Variants in AKNAD1 observed in about 807,000 individuals in gnomAD.
AKNAD1 encodes AKNA domain containing 1.
In AKNAD1, 67 loss-of-function variants were observed where a neutral mutation model predicts 90.8. That is an observed-to-expected ratio of 0.74 (90% confidence interval 0.61 to 0.90). AKNAD1 has a LOEUF of 0.90. AKNAD1 is among the 40% of genes least tolerant of loss of function. The probability of loss-of-function intolerance (pLI) is 0.00; values close to 1 mark genes in which losing one functional copy is unlikely to be tolerated. For synonymous variants in AKNAD1, 327 were observed against 341.4 expected (o/e 0.96, Z 0.46); for missense variants, 957 against 975.4 (o/e 0.98, Z 0.25).
At chr1:108,835,965 T>A (rs1424828206) in intron 7 of AKNAD1, among the ~76,000 whole-genome samples, 1 of 152,192 alleles carries the variant, frequency 6.6e-6, no homozygotes. Flanking sequence ...AATGTAAGCA[T>A]CTTGAGGGCA....
At chr1:108,817,404 C>T (rs1216697727) in intron 14 of AKNAD1, 4 of 386,282 alleles carry the variant, frequency 1.0e-5, no homozygotes, top group Non-Finnish European at 1.8e-5. Flanking sequence ...GAATTGATCT[C>T]CTTTTCCTCT....
chr1:108,826,586 G>A (rs1330139567), intron 11 of AKNAD1, among the ~76,000 whole-genome samples: 1 of 151,492 alleles, frequency 6.6e-6, no homozygotes, highest in Admixed American at 6.6e-5. Flanking sequence ...TACAGTTATG[G>A]GTCATGTGGG....
intron 14 of AKNAD1, among the ~76,000 whole-genome samples, chr1:108,820,035 T>C (rs1346627246): frequency 6.6e-6 from 1 of 152,008 alleles, no homozygotes; most frequent in Non-Finnish European, 1.5e-5. Context: ...TCCACCAACC[T>C]TTCCTCATCA....
At chr1:108,817,434 C>T (rs1045005633) in intron 14 of AKNAD1, 24 of 254,064 alleles carry the variant, frequency 9.4e-5, no homozygotes, top group Non-Finnish European at 1.6e-4. Context: ...AGAGGCAAGA[C>T]TCTAAACACA....
At chr1:108,850,916 A>AG (rs937635303) in intron 2 of AKNAD1, among the ~76,000 whole-genome samples, 42 of 108,972 alleles carry the variant, frequency 3.9e-4, no homozygotes, top group South Asian at 8.4e-4. Flanking sequence ...CGTAAGGGAA[A>AG]GGGGGAATAG....
At chr1:108,844,397 T>TAC (rs1491015497) in intron 5 of AKNAD1, among the ~76,000 whole-genome samples, 1 of 147,628 alleles carries the variant, frequency 6.8e-6, no homozygotes, top group South Asian at 2.1e-4. Context: ...TATATATATA[T>TAC]ACCAAAGCCA....
intron 10 of AKNAD1, among the ~76,000 whole-genome samples, chr1:108,830,234 G>T (rs978895628): frequency 2.0e-5 from 3 of 152,130 alleles, no homozygotes; most frequent in African/African-American, 7.2e-5. Context: ...TAACCAAGGG[G>T]GCTTATCGGA....
chr1:108,827,153 C>G (rs1664024005), intron 11 of AKNAD1, 52 bp downstream of exon 11: 1 of 1,382,720 alleles, frequency 7.2e-7, no homozygotes, highest in Non-Finnish European at 1.0e-6. Flanking sequence ...GAGCAGACCC[C>G]ATGGGGAGGG....
chr1:108,822,218 G>A (rs1663837844), intron 13 of AKNAD1, among the ~76,000 whole-genome samples: 2 of 152,136 alleles, frequency 1.3e-5, no homozygotes, highest in African/African-American at 2.4e-5. Context: ...TTGCCTTCCA[G>A]TCCACAGATG....
intron 13 of AKNAD1, 59 bp from the exon 14 acceptor site, chr1:108,820,685 C>A: frequency 1.1e-6 from 1 of 922,826 alleles, no homozygotes; most frequent in Non-Finnish European, 1.7e-6. Flanking sequence ...CAAATGGTGC[C>A]TATGTATCAT....
chr1:108,847,440 C>T (rs554664467), intron 5 of AKNAD1, among the ~76,000 whole-genome samples: 8 of 147,462 alleles, frequency 5.4e-5, no homozygotes, highest in South Asian at 4.3e-4. Context: ...AGAATGAGAC[C>T]GTGTCTCAAA....
chr1:108,822,318 CT>C (rs1368083755), intron 13 of AKNAD1, among the ~76,000 whole-genome samples: 2 of 152,146 alleles, frequency 1.3e-5, no homozygotes, highest in African/African-American at 4.8e-5. Flanking sequence ...AAGCTGCCTC[CT>C]TATGACTTCT....
At chr1:108,823,339 A>G (rs372516209) in intron 13 of AKNAD1, 31 bp downstream of exon 13, 68 of 1,493,352 alleles carry the variant, frequency 4.6e-5, no homozygotes, top group Non-Finnish European at 5.8e-5. Context: ...GGTTGTTGAT[A>G]TGGATGGGGT....
rs773574479 is a variant in AKNAD1, at chr1:108,823,275, C to T, written c.2167+95G>A. The stretch of plus-strand genomic sequence containing the variant: ...CAGCAAAATGGAGAGGCCAGGGCTT[C>T]CCAGATGGAAGCAGTGGCCAGTGTC... On this transcript the variant is annotated intron_variant, in intron 13 of 15. Transcript: ENST00000370001. 3.6e-5 allele frequency: 37 copies of T among 1,034,688 alleles called. No homozygotes were observed. In the East Asian group the frequency reaches 8.6e-4, roughly 24 times the overall value. The allele number at this position is 1,034,688 out of a possible 1,614,324, so 64.1% of individuals were successfully genotyped here.
At chr1:108,835,627 A>ATTT (rs200186739) in intron 7 of AKNAD1, among the ~76,000 whole-genome samples, 1 of 145,134 alleles carries the variant, frequency 6.9e-6, no homozygotes, top group Non-Finnish European at 1.5e-5. Flanking sequence ...TGTTAATTTA[A>ATTT]TTTTTTTTTT....
rs115443257 is a variant in AKNAD1 at position 108,851,590 on chromosome 1, C to T, written c.993+82G>A. The T allele has an allele frequency of 1.3e-3, 1,747 of 1,371,448 alleles. 17 individuals carry two copies. In the African/African-American group the frequency reaches 0.021, roughly 16 times the overall value. 85.0% of individuals were successfully genotyped at this position (1,371,448 alleles called of 1,614,324 possible). ...GAAACTTTGGAACTAGAACCAAGCT[C>T]TATTCACCCTCCAAAAACCCACACT... On this transcript the variant is annotated intron_variant, in intron 2 of 15. Coordinates refer to ENST00000370001, the MANE Select transcript of AKNAD1 (RefSeq NM_152763.5).
chr1:108,851,288 A>G (rs1222020740), intron 2 of AKNAD1, among the ~76,000 whole-genome samples: 3 of 152,214 alleles, frequency 2.0e-5, no homozygotes, highest in Non-Finnish European at 4.4e-5. Flanking sequence ...CATGAAAACA[A>G]GCAGGTCTTT....
chr1:108,823,324 C>A (rs1320609200), intron 13 of AKNAD1, 46 bp downstream of exon 13: 3 of 1,401,138 alleles, frequency 2.1e-6, no homozygotes, highest in Non-Finnish European at 3.0e-6. Context: ...ATACCTGGGA[C>A]ATTAGGTTGT....
intron 11 of AKNAD1, among the ~76,000 whole-genome samples, chr1:108,826,918 T>C (rs945994283): frequency 2.0e-5 from 3 of 151,122 alleles, no homozygotes; most frequent in African/African-American, 4.8e-5. Context: ...TTTTGTATTT[T>C]TTTTGTACAG....
Sources: allele counts gnomAD v4.1 joint callset (sites outside exome capture counted in the v4.1 genomes callset), GRCh38; gene constraint gnomAD v4.1.1; transcripts MANE v1.5; gene names NCBI Gene and HGNC (gene_info 2026-07-23, HGNC 2026-07-21).